Variants in SBF2 observed in about 807,000 individuals in gnomAD.
The protein encoded by SBF2 is SET binding factor 2.
SBF2 carries 112 observed loss-of-function variants against 225.2 expected under a neutral mutation model. The observed-to-expected ratio is 0.50, with a 90% CI of 0.43 to 0.58. The LOEUF (loss-of-function observed/expected upper bound fraction) is 0.58. Ranked by LOEUF, SBF2 falls within the 20% of genes least tolerant of loss-of-function variation. SBF2 has a pLI of 0.00. For synonymous variants in SBF2, 763 were observed against 773.3 expected, an observed-to-expected ratio of 0.99 and a Z score of 0.22; for missense variants, 1,996 against 2,206.2, an observed-to-expected ratio of 0.90 and a Z score of 1.91.
chr11:10,285,552 CTCTT>C (rs1565436253), intron 1 of SBF2, among the ~76,000 whole-genome samples: 2 of 152,156 alleles, frequency 1.3e-5, no homozygotes. Context: ...AGGAAACATC[CTCTT>C]TATTTGCATA....
chr11:10,145,845 T>G (rs962398196), intron 2 of SBF2, among the ~76,000 whole-genome samples: 1 of 152,174 alleles, frequency 6.6e-6, no homozygotes, highest in Admixed American at 6.5e-5. Flanking sequence ...GGCCCAAAAG[T>G]TCCTTCAGCT....
intron 2 of SBF2, among the ~76,000 whole-genome samples, chr11:10,123,684 CAA>C (rs796450224): frequency 3.0e-5 from 4 of 133,830 alleles, no homozygotes; most frequent in African/African-American, 8.2e-5. Context: ...GTCTTCCTTA[CAA>C]AAAAAAAAAG....
At chr11:9,923,504 G>A (rs1863792157) in intron 16 of SBF2, among the ~76,000 whole-genome samples, 3 of 152,188 alleles carry the variant, frequency 2.0e-5, no homozygotes, top group African/African-American at 7.2e-5. Flanking sequence ...CACGGCCACT[G>A]TTTACTACAT....
chr11:10,178,497 G>GA (rs1382664881), intron 2 of SBF2, among the ~76,000 whole-genome samples: 3 of 148,816 alleles, frequency 2.0e-5, no homozygotes, highest in Non-Finnish European at 4.5e-5. Context: ...AAATTTACAA[G>GA]AAAAAAACAA....
At chr11:10,119,577 G>A (rs931962498) in intron 2 of SBF2, among the ~76,000 whole-genome samples, 4 of 152,118 alleles carry the variant, frequency 2.6e-5, no homozygotes, top group Non-Finnish European at 5.9e-5. Context: ...ATTGATAAGA[G>A]AACCTGACAT....
chr11:10,048,632 C>G (rs925158141), intron 2 of SBF2, among the ~76,000 whole-genome samples: 8 of 152,222 alleles, frequency 5.3e-5, no homozygotes, highest in Admixed American at 2.6e-4. Context: ...AGATAAAGAT[C>G]TAAGACAATT....
intron 2 of SBF2, among the ~76,000 whole-genome samples, chr11:10,175,282 A>G (rs1403861401): frequency 6.6e-6 from 1 of 151,782 alleles, no homozygotes. Flanking sequence ...ACGTGCAGAG[A>G]CACACATAGG....
chr11:9,795,992 C>G (rs767166068), intron 32 of SBF2, 35 bp from the exon 33 acceptor site: 1 of 1,607,062 alleles, frequency 6.2e-7, no homozygotes, highest in East Asian at 2.2e-5. Flanking sequence ...GAGTAAGAAT[C>G]AAACAGAACA....
chr11:9,818,004 G>GGCGT (rs908253857), intron 28 of SBF2, among the ~76,000 whole-genome samples: 3 of 152,136 alleles, frequency 2.0e-5, no homozygotes, highest in African/African-American at 7.2e-5. Context: ...GGTGTGCAAT[G>GGCGT]GCGTGATCTC....
At chr11:10,233,558 T>C (rs999562320) in intron 1 of SBF2, among the ~76,000 whole-genome samples, 1 of 150,806 alleles carries the variant, frequency 6.6e-6, no homozygotes, top group African/African-American at 2.4e-5. Context: ...TATATATATA[T>C]ATCTCTCTCT....
chr11:9,865,875 G>C (rs1858176974), intron 17 of SBF2, among the ~76,000 whole-genome samples: 1 of 151,904 alleles, frequency 6.6e-6, no homozygotes, highest in African/African-American at 2.4e-5. Context: ...CTATTGTATG[G>C]AATTCCATGG....
At chr11:9,851,084 C>G (rs1172427760) in intron 21 of SBF2, among the ~76,000 whole-genome samples, 2 of 140,886 alleles carry the variant, frequency 1.4e-5, no homozygotes, top group Admixed American at 7.9e-5. Flanking sequence ...TGCAGTGAGC[C>G]GAGATTGTGC....
intron 1 of SBF2, among the ~76,000 whole-genome samples, chr11:10,287,176 A>G (rs2135575670): frequency 1.3e-5 from 2 of 152,358 alleles, no homozygotes; most frequent in East Asian, 3.9e-4. Context: ...ACAAAAACAT[A>G]CAGACAGAAA....
chr11:9,914,418 A>G (rs922969417), intron 16 of SBF2, among the ~76,000 whole-genome samples: 1 of 152,228 alleles, frequency 6.6e-6, no homozygotes, highest in Non-Finnish European at 1.5e-5. Flanking sequence ...TTGACAAAGG[A>G]GCAAAGGCAG....
intron 1 of SBF2, among the ~76,000 whole-genome samples, chr11:10,203,027 G>C (rs1957622703): frequency 6.6e-6 from 1 of 150,508 alleles, no homozygotes; most frequent in Admixed American, 6.6e-5. Flanking sequence ...TTTCCATGCA[G>C]GATCTAGATG....
intron 2 of SBF2, among the ~76,000 whole-genome samples, chr11:10,150,526 C>G (rs1187375981): frequency 6.6e-6 from 1 of 152,046 alleles, no homozygotes; most frequent in Non-Finnish European, 1.5e-5. Flanking sequence ...TTTAAATTTA[C>G]TTTGAAATGT....
At chr11:10,295,428 T>G (rs1266440870), upstream of SBF2, among the ~76,000 whole-genome samples, 1 of 152,184 alleles carries the variant, frequency 6.6e-6, no homozygotes, top group Non-Finnish European at 1.5e-5. Flanking sequence ...CTGCCACACT[T>G]GTTTCATCTA....
At chr11:9,948,903 T>C (rs1865707060) in intron 16 of SBF2, among the ~76,000 whole-genome samples, 2 of 152,218 alleles carry the variant, frequency 1.3e-5, no homozygotes, top group African/African-American at 4.8e-5. Flanking sequence ...ACTTATTTGC[T>C]TTGTCTTCTG....
intron 1 of SBF2, among the ~76,000 whole-genome samples, chr11:10,261,258 A>C (rs1961400680): frequency 6.6e-6 from 1 of 152,204 alleles, no homozygotes; most frequent in Non-Finnish European, 1.5e-5. Context: ...GCTGGAGTGC[A>C]GTGGTACCAT....
Sources: gnomAD v4.1 joint callset for allele counts (sites outside exome capture counted in the v4.1 genomes callset) on GRCh38, gnomAD v4.1.1 for gene constraint, MANE v1.5 for transcripts, NCBI Gene and HGNC (gene_info 2026-07-23, HGNC 2026-07-21) for gene names.